MVB12B: variants seen among roughly 807,000 people sequenced by gnomAD.
MVB12B encodes the protein ESCRT-I complex subunit MVB12B.
In MVB12B, 16 loss-of-function variants were observed where a neutral mutation model predicts 41.6. The observed-to-expected ratio is 0.38, with a 90% CI of 0.26 to 0.58. The LOEUF (loss-of-function observed/expected upper bound fraction) is 0.58, where lower values mean the gene tolerates loss of function less well. Among genes scored for constraint, MVB12B ranks in the 20% least tolerant of loss-of-function variants. The pLI, the probability that MVB12B is intolerant of heterozygous loss-of-function variation, is 0.62. For synonymous variants in MVB12B, 133 were observed against 139.7 expected (o/e 0.95, Z 0.34); for missense variants, 274 against 380.2 (o/e 0.72, Z 2.32).
intron 9 of MVB12B, among the ~76,000 whole-genome samples, chr9:126,490,508 C>T (rs531113509): frequency 6.6e-6 from 1 of 150,618 alleles, no homozygotes; most frequent in Non-Finnish European, 1.5e-5. Context: ...GCAGAAACCA[C>T]AGTGCTCCCC....
chr9:126,440,988 G>A (rs535033143), intron 7 of MVB12B, among the ~76,000 whole-genome samples: 9 of 152,318 alleles, frequency 5.9e-5, no homozygotes, highest in East Asian at 1.9e-4. Context: ...TTGGTTTAGC[G>A]GATGATGAAT....
intron 9 of MVB12B, among the ~76,000 whole-genome samples, chr9:126,498,906 G>T (rs1243491735): frequency 6.6e-6 from 1 of 152,186 alleles, no homozygotes; most frequent in African/African-American, 2.4e-5. Flanking sequence ...TTCAAAAAAT[G>T]CTGGTGTCCC....
At position 126,392,025 on chromosome 9, in the gene MVB12B, C is replaced by T. The variant is rs1429324202; in HGVS notation, c.410-41C>T. The T allele has an allele frequency of 6.2e-7, 1 of 1,611,336 alleles. No homozygotes were observed. The highest frequency in any genetic ancestry group is 1.3e-5 in the African/African-American group (1 of 74,948). Reference sequence around the variant, plus strand: ...GTTTTCAGAATAGAGATTCTGGTATCTCTGGAAAACTCATACCTTTTCTAT... The same window carrying T: ...GTTTTCAGAATAGAGATTCTGGTATTTCTGGAAAACTCATACCTTTTCTAT... On this transcript the variant is annotated intron_variant, in intron 4 of 9. Transcript: ENST00000361171. This position sits in a 1 kb window ranked among gnomAD's most constrained non-coding sequence, Gnocchi z 4.8.
At chr9:126,470,856 G>A (rs7031232) in intron 7 of MVB12B, among the ~76,000 whole-genome samples, 20,252 of 152,110 alleles carry the variant, frequency 0.13, 1,962 homozygotes, top group East Asian at 0.48. Flanking sequence ...CTGCACTTAC[G>A]TTCTTATGTG....
At chr9:126,489,571 C>G (rs1833689558) in intron 9 of MVB12B, among the ~76,000 whole-genome samples, 1 of 152,228 alleles carries the variant, frequency 6.6e-6, no homozygotes, top group African/African-American at 2.4e-5. Flanking sequence ...CAGAAAACCT[C>G]TCACGATTCA....
Position 126,389,855 on chromosome 9 carries a change from A to G in MVB12B, c.410-2211A>G, listed in dbSNP as rs1013699081. On this transcript the variant is annotated intron_variant, in intron 4 of 9. Coordinates refer to ENST00000361171, the MANE Select transcript of MVB12B (RefSeq NM_033446.3). The surrounding 1 kb of genome is among the most constrained non-coding windows in gnomAD (Gnocchi z 4.4). ...AGGATCATTTCCTAGATGTTTAGCA[A>G]TGTTTAGGGTCTGGATTCAGAACGT... Among the ~76,000 whole-genome samples, 2 of 151,958 alleles carry G rather than the reference A, an allele frequency of 1.3e-5. No homozygotes were observed. The highest frequency in any genetic ancestry group is 4.8e-5 in the African/African-American group (2 of 41,340).
intron 7 of MVB12B, among the ~76,000 whole-genome samples, chr9:126,469,384 T>TTCATGTGCTGAAGTGTTAAAGAG (rs1833268138): frequency 6.6e-6 from 1 of 152,192 alleles, no homozygotes. Context: ...AGAAAATATA[T>TTCATGTGCTGAAGTGTTAAAGAG]TCATGTGCTG....
At chr9:126,454,925 C>T (rs978351922) in intron 7 of MVB12B, among the ~76,000 whole-genome samples, 4 of 152,098 alleles carry the variant, frequency 2.6e-5, no homozygotes, top group Non-Finnish European at 5.9e-5. Context: ...TACTGGGCAG[C>T]CCTTTCTTCC....
intron 6 of MVB12B, among the ~76,000 whole-genome samples, chr9:126,401,611 G>C (rs542594261): frequency 4.6e-5 from 7 of 152,340 alleles, no homozygotes; most frequent in African/African-American, 1.7e-4. Flanking sequence ...TCCCAGGGCT[G>C]TCATCGGAAA....
At position 126,367,650 on chromosome 9, in the gene MVB12B, A is replaced by C. The variant is rs374416194; in HGVS notation, c.205-13414A>C. 2.6e-5 allele frequency among the ~76,000 whole-genome samples: 4 copies of C among 152,122 alleles called. No homozygotes were observed. The highest frequency in any genetic ancestry group is 5.9e-5 in the Non-Finnish European group (4 of 68,032). ...CAGCACGGAGGTGATTCTGTCTTACACTTCTGATGACACCAAATATCCATA... is the reference window on the plus strand; with the variant it reads ...CAGCACGGAGGTGATTCTGTCTTACCCTTCTGATGACACCAAATATCCATA... On this transcript the variant is annotated intron_variant, in intron 2 of 9. Transcript: ENST00000361171. The surrounding 1 kb of genome is among the most constrained non-coding windows in gnomAD (Gnocchi z 4.3).
At chr9:126,443,564 T>G (rs149826312) in intron 7 of MVB12B, among the ~76,000 whole-genome samples, 1 of 152,310 alleles carries the variant, frequency 6.6e-6, no homozygotes, top group East Asian at 1.9e-4. Flanking sequence ...TTACAAAATA[T>G]ATGAAAACAT....
At chr9:126,445,304 G>GT in intron 7 of MVB12B, among the ~76,000 whole-genome samples, 1 of 152,092 alleles carries the variant, frequency 6.6e-6, no homozygotes, top group African/African-American at 2.4e-5. Context: ...GTTGGTTTTG[G>GT]TTTTTGTTTT....
chr9:126,451,536 T>A (rs537040844), intron 7 of MVB12B, among the ~76,000 whole-genome samples: 2 of 152,142 alleles, frequency 1.3e-5, no homozygotes, highest in East Asian at 3.9e-4. Flanking sequence ...AGAACTGGAT[T>A]CAAGCCCAGG....
At position 126,404,040 on chromosome 9, in the gene MVB12B, G is replaced by GC. The variant is rs201722866; in HGVS notation, c.662+8345dup. On this transcript the variant is annotated intron_variant, in intron 6 of 9. Coordinates refer to ENST00000361171, the MANE Select transcript of MVB12B (RefSeq NM_033446.3). Reference sequence around the variant, plus strand: ...GCTATCTCGGCTCACTGCAACCTCTGCCTCCTGGGTTCAAGCAGTTCTCCC... The same window carrying GC: ...GCTATCTCGGCTCACTGCAACCTCTGCCCTCCTGGGTTCAAGCAGTTCTCCC... Among the ~76,000 whole-genome samples, 1,203 of 141,652 alleles carry GC rather than the reference G, an allele frequency of 8.5e-3. 17 individuals are homozygous for GC. The highest frequency in any genetic ancestry group is 0.03 in the African/African-American group (1,133 of 38,160). 92.9% of individuals were successfully genotyped at this position (141,652 alleles called of 152,430 possible).
At position 126,481,081 on chromosome 9, in the gene MVB12B, G is replaced by A. The variant is rs41274414; in HGVS notation, c.758-288G>A. The A allele has an allele frequency of 9.0e-3, 3,840 of 428,186 alleles. 37 individuals carry two copies. Among genetic ancestry groups the A allele is most frequent in the Admixed American group, 0.015 (374 of 24,274 alleles). 26.5% of individuals were successfully genotyped at this position (428,186 alleles called of 1,614,324 possible). A position where few individuals can be genotyped will look rare whatever the true frequency, so the allele number is the denominator to read the frequency against. ...GATCAGAGACCAGACTCCAGGGGTG[G>A]AGAGTAGGGGTTCTGGACCAGCCGC... On this transcript the variant is annotated intron_variant, in intron 7 of 9. Coordinates refer to ENST00000361171, the MANE Select transcript of MVB12B (RefSeq NM_033446.3).
chr9:126,460,679 G>C (rs967669401), intron 7 of MVB12B, among the ~76,000 whole-genome samples: 1 of 152,108 alleles, frequency 6.6e-6, no homozygotes, highest in Non-Finnish European at 1.5e-5. Context: ...TTGGGGAGAT[G>C]ATGCTGGGGG....
intron 4 of MVB12B, among the ~76,000 whole-genome samples, chr9:126,387,506 T>C (rs980985609): frequency 6.6e-6 from 1 of 152,250 alleles, no homozygotes; most frequent in African/African-American, 2.4e-5. Flanking sequence ...TTTGCTGTTT[T>C]CTTGCTAGCA....
At chr9:126,407,831 G>T (rs1347157147) in intron 6 of MVB12B, among the ~76,000 whole-genome samples, 1 of 152,120 alleles carries the variant, frequency 6.6e-6, no homozygotes, top group African/African-American at 2.4e-5. Context: ...AAGAAAGAAA[G>T]ATTTTTCTCA....
chr9:126,501,119 C>G (rs1001997377), intron 9 of MVB12B, among the ~76,000 whole-genome samples: 1 of 152,236 alleles, frequency 6.6e-6, no homozygotes, highest in Non-Finnish European at 1.5e-5. Flanking sequence ...CCTCCCGGAG[C>G]CGGAGTCTCC....
Sources: gnomAD v4.1 joint callset for allele counts (sites outside exome capture counted in the v4.1 genomes callset) on GRCh38, gnomAD v4.1.1 for gene constraint, Gnocchi (gnomAD v3.1) non-coding constraint, MANE v1.5 for transcripts, NCBI Gene and HGNC (gene_info 2026-07-23, HGNC 2026-07-21) for gene names.